The following DNM3 variants were observed in gnomAD, a reference collection of about 807,000 sequenced individuals.
The protein encoded by DNM3 is dynamin 3.
In DNM3, 47 loss-of-function variants were observed where a neutral mutation model predicts 101.6. The observed-to-expected ratio is 0.46, with a 90% confidence interval of 0.37 to 0.59. The LOEUF (loss-of-function observed/expected upper bound fraction) is 0.59. Among genes scored for constraint, DNM3 ranks in the 20% least tolerant of loss-of-function variants. The pLI, the probability that DNM3 is intolerant of heterozygous loss-of-function variation, is 0.00. For missense variants in DNM3, 849 were observed against 1,085.7 expected (o/e 0.78, Z 3.06); for synonymous variants, 385 against 387.9 (o/e 0.99, Z 0.09).
At chr1:172,195,192 C>T (rs2059903211) in intron 14 of DNM3, among the ~76,000 whole-genome samples, 1 of 151,884 alleles carries the variant, frequency 6.6e-6, no homozygotes, top group Non-Finnish European at 1.5e-5. Context: ...CAAACCATAT[C>T]AATGATGTTG....
intron 7 of DNM3, 50 bp from the exon 8 acceptor site, chr1:172,041,959 G>A (rs1357277732): frequency 6.5e-7 from 1 of 1,533,824 alleles, no homozygotes; most frequent in Non-Finnish European, 8.7e-7. Flanking sequence ...AATGAAGAGT[G>A]CAAAGGCTTG....
intron 10 of DNM3, among the ~76,000 whole-genome samples, chr1:172,061,728 T>G (rs2051236122): frequency 6.8e-6 from 1 of 147,172 alleles, no homozygotes; most frequent in African/African-American, 2.5e-5. Flanking sequence ...GGGATAGCAT[T>G]GGGAGATATA....
chr1:172,410,216 G>T lies in DNM3; in HGVS notation c.*2375G>T, dbSNP rs748343769. The T allele has an allele frequency of 1.4e-5, 14 of 985,218 alleles. No homozygotes were observed. Among genetic ancestry groups the T allele is most frequent in the Admixed American group, 6.1e-5 (1 of 16,266 alleles). The allele number at this position is 985,218 out of a possible 1,614,324, so 61.0% of individuals were successfully genotyped here. ...ATGAATCTCATTTCCCAAAGGGTTT[G>T]TATTCTGCTAAAAGGAGATGCCAAT... On this transcript the variant is annotated 3_prime_UTR_variant, in exon 21 of 21. Coordinates refer to ENST00000627582, the MANE Select transcript of DNM3 (RefSeq NM_015569.5).
intron 14 of DNM3, among the ~76,000 whole-genome samples, chr1:172,160,627 T>C (rs1480955908): frequency 1.3e-5 from 2 of 152,012 alleles, no homozygotes; most frequent in Non-Finnish European, 2.9e-5. Flanking sequence ...TCCTCTGGAA[T>C]GCCTTTTCCA....
chr1:172,243,558 G>A (rs2061825822), intron 14 of DNM3, among the ~76,000 whole-genome samples: 1 of 152,170 alleles, frequency 6.6e-6, no homozygotes, highest in Non-Finnish European at 1.5e-5. Context: ...GCCAAGTGGA[G>A]ATATCCTAGT....
chr1:172,397,726 T>C (rs2070129402), intron 20 of DNM3, among the ~76,000 whole-genome samples: 1 of 150,154 alleles, frequency 6.7e-6, no homozygotes, highest in Admixed American at 6.7e-5. Flanking sequence ...CTTTGGTGTA[T>C]AACTGATTAC....
At chr1:172,110,199 T>G (rs774143753) in intron 13 of DNM3, among the ~76,000 whole-genome samples, 2 of 152,220 alleles carry the variant, frequency 1.3e-5, no homozygotes, top group Non-Finnish European at 2.9e-5. Context: ...TAGCTCAGGC[T>G]CTTTCTCTGT....
At chr1:171,930,360 C>T (rs1362187901) in intron 2 of DNM3, among the ~76,000 whole-genome samples, 1 of 152,180 alleles carries the variant, frequency 6.6e-6, no homozygotes, top group African/African-American at 2.4e-5. Flanking sequence ...AGTCACTTCT[C>T]AGCCCCCTGG....
At chr1:172,099,866 A>G (rs1477722599) in intron 13 of DNM3, among the ~76,000 whole-genome samples, 2 of 152,074 alleles carry the variant, frequency 1.3e-5, no homozygotes, top group Non-Finnish European at 2.9e-5. Flanking sequence ...GGAAGGTGTG[A>G]GTAGCTGAAA....
chr1:171,979,549 A>G (rs2125582720), intron 2 of DNM3, among the ~76,000 whole-genome samples: 1 of 152,308 alleles, frequency 6.6e-6, no homozygotes, highest in Admixed American at 6.5e-5. Flanking sequence ...AAGTTGAGCT[A>G]TGTAGGTATC....
rs186101460 is a variant in DNM3 at position 172,191,956 on chromosome 1, C to A, written c.1659+60668C>A. On this transcript the variant is annotated intron_variant, in intron 14 of 20. Transcript: ENST00000627582. Reference sequence around the variant, plus strand: ...TTTTCTAAATATACCATCATGTCATCTGCACTTTTCCTAAGTGAATACTCC... The same window carrying A: ...TTTTCTAAATATACCATCATGTCATATGCACTTTTCCTAAGTGAATACTCC... Among the ~76,000 whole-genome samples, 141 of 150,654 alleles carry A rather than the reference C, an allele frequency of 9.4e-4. 1 individual carries two copies. Among genetic ancestry groups the A allele is most frequent in the Non-Finnish European group, 1.8e-3 (120 of 67,030 alleles).
intron 14 of DNM3, chr1:172,144,313 C>T (rs1025758095): frequency 3.8e-4 from 66 of 173,612 alleles, no homozygotes; most frequent in Non-Finnish European, 6.2e-5. Flanking sequence ...CATGGGCTCC[C>T]CACCTAGGTT....
intron 14 of DNM3, among the ~76,000 whole-genome samples, chr1:172,242,736 C>G (rs1267380815): frequency 1.3e-5 from 2 of 152,196 alleles, no homozygotes; most frequent in African/African-American, 2.4e-5. Context: ...AGCTCCTGTA[C>G]CTGGCCTGTT....
intron 2 of DNM3, among the ~76,000 whole-genome samples, chr1:171,985,179 G>A (rs1474665142): frequency 6.6e-6 from 1 of 152,102 alleles, no homozygotes; most frequent in Non-Finnish European, 1.5e-5. Context: ...GAACAGTTGT[G>A]ATAGCCATAA....
chr1:171,990,118 A>G (rs922943224), intron 4 of DNM3, among the ~76,000 whole-genome samples: 40 of 152,266 alleles, frequency 2.6e-4, no homozygotes, highest in African/African-American at 9.4e-4. Context: ...TCTTGTTTTC[A>G]TAAATACAAT....
At chr1:172,338,380 T>C (rs548107968) in intron 17 of DNM3, among the ~76,000 whole-genome samples, 22 of 152,106 alleles carry the variant, frequency 1.4e-4, no homozygotes, top group African/African-American at 5.3e-4. Flanking sequence ...TAGCCTTTGA[T>C]TTTACTGTGA....
At chr1:172,315,321 A>T (rs572248866) in intron 16 of DNM3, among the ~76,000 whole-genome samples, 13 of 152,352 alleles carry the variant, frequency 8.5e-5, no homozygotes, top group African/African-American at 3.1e-4. Flanking sequence ...GGAAACTCTA[A>T]AAAGCAGAGT....
Position 172,112,723 on chromosome 1 carries a change from C to T in DNM3, c.1546-18452C>T, listed in dbSNP as rs545092088. On this transcript the variant is annotated intron_variant, in intron 13 of 20. Coordinates refer to ENST00000627582, the MANE Select transcript of DNM3 (RefSeq NM_015569.5). The stretch of plus-strand genomic sequence containing the variant: ...CCTGGAGCTTGAGATGAGTTTGGGG[C>T]CCCACTTGCCACTTGTAAGCTGAAT... 2.0e-5 allele frequency among the ~76,000 whole-genome samples: 3 copies of T among 152,236 alleles called. No homozygotes were observed. In the South Asian group the frequency reaches 6.2e-4, roughly 32 times the overall value.
chr1:172,320,612 A>C (rs1463808978), intron 16 of DNM3, among the ~76,000 whole-genome samples: 3 of 152,170 alleles, frequency 2.0e-5, no homozygotes, highest in African/African-American at 7.2e-5. Context: ...CATTGTGTCC[A>C]TGAAGCTGTA....
Sources: gnomAD v4.1 joint callset for allele counts (sites outside exome capture counted in the v4.1 genomes callset) on GRCh38, gnomAD v4.1.1 for gene constraint, MANE v1.5 for transcripts, NCBI Gene and HGNC (gene_info 2026-07-23, HGNC 2026-07-21) for gene names.